SEMA5B: variants seen among roughly 807,000 people sequenced by gnomAD.
The protein encoded by SEMA5B is semaphorin 5B.
SEMA5B carries 66 observed loss-of-function variants against 135.0 expected under a neutral mutation model. The observed-to-expected ratio is 0.49, with a 90% CI of 0.40 to 0.60. The LOEUF is 0.60. Ranked by LOEUF, SEMA5B falls within the 20% of genes least tolerant of loss-of-function variation. The probability of loss-of-function intolerance (pLI) is 0.00; values close to 1 mark genes in which losing one functional copy is unlikely to be tolerated. For missense variants in SEMA5B, 1,501 were observed against 1,566.3 expected (o/e 0.96, Z 0.70); for synonymous variants, 690 against 639.5 (o/e 1.08, Z -1.19).
At chr3:122,969,814 T>C (rs985326975) in intron 1 of SEMA5B, among the ~76,000 whole-genome samples, 5 of 152,140 alleles carry the variant, frequency 3.3e-5, no homozygotes, top group Non-Finnish European at 7.4e-5. Context: ...TCTGAGGTAG[T>C]GGGGAATGTA....
At chr3:122,988,249 G>A (rs116093511) in intron 1 of SEMA5B, among the ~76,000 whole-genome samples, 6 of 152,328 alleles carry the variant, frequency 3.9e-5, no homozygotes, top group African/African-American at 7.2e-5. Context: ...AAACTGAGGC[G>A]ATAGGGTTTT....
intron 1 of SEMA5B, among the ~76,000 whole-genome samples, chr3:122,998,709 A>C (rs963514837): frequency 6.6e-6 from 1 of 152,180 alleles, no homozygotes; most frequent in Admixed American, 6.5e-5. Flanking sequence ...TTAGGCCCCA[A>C]GTAGGAGCCT....
In SEMA5B at chr3:122,965,125, C is replaced by T. The variant is rs530485669; in HGVS notation, c.-38-3824G>A. On this transcript the variant is annotated intron_variant, in intron 1 of 22. Transcript: ENST00000357599. The stretch of plus-strand genomic sequence containing the variant: ...GACAGACTAGGAAGAAGCAGCTTGA[C>T]GTTTCAGTGGTAGGGACTGTCCAGA... Among the ~76,000 whole-genome samples the T allele has an allele frequency of 1.8e-4, 27 of 152,286 alleles. No individual in the cohort carries two copies. The East Asian group carries it at 2.3e-3, about 13-fold the overall frequency.
In SEMA5B at chr3:122,915,586, T is replaced by C. The variant is rs372397188; in HGVS notation, c.1842A>G (p.Pro614=). ...RNVTRDGGFG[P]WSPWQPCEHL... ...GCTCACATGGTTGCCATGGTGACCA[T>C]GGGCCGAAGCCCCCATCCCGTGTCA... The change falls in exon 14 of 23, where the codon CCA becomes CCG. Residue 614 remains proline (P), a synonymous_variant. Transcript: ENST00000357599. 3 of 1,613,616 alleles carry C rather than the reference T, an allele frequency of 1.9e-6. No homozygotes were observed. The highest frequency in any genetic ancestry group is 2.5e-6 in the Non-Finnish European group (3 of 1,179,798).
chr3:123,015,983 T>C (rs1175362379), intron 1 of SEMA5B, among the ~76,000 whole-genome samples: 3 of 152,208 alleles, frequency 2.0e-5, no homozygotes, highest in African/African-American at 2.4e-5. Context: ...ACACAGGGAC[T>C]CATAGGCCTC....
chr3:122,977,487 A>G (rs184787752), intron 1 of SEMA5B, among the ~76,000 whole-genome samples: 104 of 152,316 alleles, frequency 6.8e-4, no homozygotes, highest in African/African-American at 2.4e-3. Flanking sequence ...GCACTCCTAG[A>G]ACTCAGTCCT....
intron 1 of SEMA5B, among the ~76,000 whole-genome samples, chr3:123,007,513 T>G: frequency 6.6e-6 from 1 of 152,160 alleles, no homozygotes; most frequent in East Asian, 1.9e-4. Context: ...GTGTTAGAGG[T>G]GGAGCCTTTG....
At chr3:122,999,008 G>T (rs994952891) in intron 1 of SEMA5B, among the ~76,000 whole-genome samples, 1 of 152,136 alleles carries the variant, frequency 6.6e-6, no homozygotes, top group Admixed American at 6.5e-5. Context: ...GAGATGGCAG[G>T]TGACTCAACC....
intron 22 of SEMA5B, 117 bp from the exon 23 acceptor site, chr3:122,910,418 G>T: frequency 9.1e-7 from 1 of 1,098,596 alleles, no homozygotes; most frequent in Non-Finnish European, 1.3e-6. Context: ...TGCGGATCCA[G>T]TGCTCTGTTC....
At chr3:123,025,599 A>T (rs1942779628) in intron 1 of SEMA5B, among the ~76,000 whole-genome samples, 1 of 152,176 alleles carries the variant, frequency 6.6e-6, no homozygotes, top group Non-Finnish European at 1.5e-5. Flanking sequence ...AAAGGGATGG[A>T]AGATCTGCCA....
intron 5 of SEMA5B, among the ~76,000 whole-genome samples, chr3:122,939,023 T>G (rs1196098795): frequency 1.3e-5 from 2 of 152,188 alleles, no homozygotes; most frequent in Non-Finnish European, 2.9e-5. Context: ...TCAGAGACCC[T>G]CCTGTGGAGC....
chr3:122,981,394 C>A (rs1293519569), intron 1 of SEMA5B, among the ~76,000 whole-genome samples: 1 of 152,220 alleles, frequency 6.6e-6, no homozygotes. Flanking sequence ...AAGACGTGAC[C>A]CCAGCCTTGG....
chr3:122,960,445 C>T (rs1940525082), intron 2 of SEMA5B, among the ~76,000 whole-genome samples: 1 of 152,080 alleles, frequency 6.6e-6, no homozygotes, highest in South Asian at 2.1e-4. Context: ...ATAGAATTAC[C>T]ATATGATCCA....
intron 1 of SEMA5B, among the ~76,000 whole-genome samples, chr3:123,022,450 C>T (rs551613908): frequency 5.3e-5 from 8 of 152,214 alleles, no homozygotes; most frequent in Non-Finnish European, 1.0e-4. Context: ...TGGCGGGATT[C>T]AGCACATACA....
At chr3:122,986,872 T>A (rs1941716723) in intron 1 of SEMA5B, among the ~76,000 whole-genome samples, 1 of 152,208 alleles carries the variant, frequency 6.6e-6, no homozygotes, top group Non-Finnish European at 1.5e-5. Context: ...AGAATGGGGA[T>A]GTTCCTGCAT....
rs1162955996 is a variant in SEMA5B, at chr3:122,939,455, T to G, written c.444A>C (p.Arg148Ser). 2.5e-6 allele frequency: 4 copies of G among 1,612,834 alleles called. No homozygotes were observed. Among genetic ancestry groups the G allele is most frequent in the Non-Finnish European group, 2.5e-6 (3 of 1,178,862 alleles). ...LIVGARNYLF[R>S]LSLANVSLLQ... ...GAAGAGAGACATTGGCAAGGCTGAG[T>G]CTGAAGAGGTAGTTCCTGTGAAAAT... is the stretch of plus-strand genomic sequence containing the variant. The change falls in exon 5 of 23, where the codon AGA becomes AGC. Residue 148 changes from arginine (R) to serine (S), a missense_variant. Coordinates refer to ENST00000357599, the MANE Select transcript of SEMA5B (RefSeq NM_001031702.4).
intron 1 of SEMA5B, among the ~76,000 whole-genome samples, chr3:122,996,654 G>A (rs796932197): frequency 3.6e-4 from 55 of 152,324 alleles, no homozygotes; most frequent in African/African-American, 1.3e-3. Context: ...GCAGGATTCT[G>A]TCAAGGGCTT....
chr3:122,945,835 G>A (rs1939768400), intron 3 of SEMA5B, among the ~76,000 whole-genome samples: 1 of 151,798 alleles, frequency 6.6e-6, no homozygotes, highest in Non-Finnish European at 1.5e-5. Context: ...TGGGGAGGTG[G>A]GGGTGGGGGC....
At chr3:122,917,324 G>GAC (rs1184054010) in intron 12 of SEMA5B, among the ~76,000 whole-genome samples, 1 of 152,226 alleles carries the variant, frequency 6.6e-6, no homozygotes, top group African/African-American at 2.4e-5. Context: ...AAAGAAGATG[G>GAC]AGCCTGGCGG....
Sources: gnomAD v4.1 joint callset for allele counts (sites outside exome capture counted in the v4.1 genomes callset) on GRCh38, gnomAD v4.1.1 for gene constraint, MANE v1.5 for transcripts, NCBI Gene and HGNC (gene_info 2026-07-23, HGNC 2026-07-21) for gene names.